The following GRM7 variants were observed in gnomAD, a reference collection of about 807,000 sequenced individuals.
GRM7 encodes metabotropic glutamate receptor 7.
A neutral mutation model predicts 84.5 loss-of-function variants in GRM7; 35 were observed. The observed-to-expected ratio is 0.41, with a 90% CI of 0.32 to 0.55. The LOEUF is 0.55. Among genes scored for constraint, GRM7 ranks in the 20% least tolerant of loss-of-function variants. GRM7 has a pLI of 0.19. For synonymous variants in GRM7, 487 were observed against 455.1 expected (o/e 1.07, Z -0.89); for missense variants, 1,003 against 1,194.6 (o/e 0.84, Z 2.36).
chr3:7,023,010 G>C (rs1359254342), intron 1 of GRM7, among the ~76,000 whole-genome samples: 1 of 145,050 alleles, frequency 6.9e-6, no homozygotes, highest in South Asian at 2.4e-4. Flanking sequence ...ATTCTTTTAG[G>C]GGCAGTAAAT....
At chr3:7,454,775 T>A (rs115977728) in intron 6 of GRM7, among the ~76,000 whole-genome samples, 1 of 152,106 alleles carries the variant, frequency 6.6e-6, no homozygotes, top group African/African-American at 2.4e-5. Flanking sequence ...ATATGTATGG[T>A]TTTTAATATA....
At chr3:7,517,231 TATTA>T (rs1265536961) in intron 7 of GRM7, among the ~76,000 whole-genome samples, 2 of 152,244 alleles carry the variant, frequency 1.3e-5, no homozygotes, top group African/African-American at 4.8e-5. Context: ...ATTTATTTTG[TATTA>T]ATTTCTTAGA....
At chr3:7,335,414 A>C (rs115564873) in intron 4 of GRM7, among the ~76,000 whole-genome samples, 6,015 of 152,110 alleles carry the variant, frequency 0.04, 250 homozygotes, top group African/African-American at 0.11. Flanking sequence ...AAAAGTGGTG[A>C]TAATAAGAAA....
At chr3:7,078,895 T>C (rs1351424332) in intron 1 of GRM7, among the ~76,000 whole-genome samples, 1 of 150,950 alleles carries the variant, frequency 6.6e-6, no homozygotes, top group African/African-American at 2.4e-5. Context: ...GTAGAGTAAA[T>C]AGATGATATT....
intron 8 of GRM7, among the ~76,000 whole-genome samples, chr3:7,581,271 C>T (rs1340284627): frequency 6.6e-6 from 1 of 152,110 alleles, no homozygotes; most frequent in Non-Finnish European, 1.5e-5. Flanking sequence ...TCTAGTTGTT[C>T]TAGAGAACAA....
chr3:7,048,933 C>A (rs1696893162), intron 1 of GRM7, among the ~76,000 whole-genome samples: 2 of 151,958 alleles, frequency 1.3e-5, no homozygotes, highest in South Asian at 4.2e-4. Context: ...TGTGTTTATG[C>A]CATCTCTTTC....
chr3:6,865,865 T>G (rs953045062), intron 1 of GRM7, among the ~76,000 whole-genome samples: 66 of 135,722 alleles, frequency 4.9e-4, no homozygotes, highest in African/African-American at 1.6e-3. Flanking sequence ...TAACCTACAC[T>G]TTTTATAATT....
At chr3:7,243,036 G>T (rs1467691208) in intron 2 of GRM7, among the ~76,000 whole-genome samples, 2 of 152,128 alleles carry the variant, frequency 1.3e-5, no homozygotes, top group East Asian at 3.9e-4. Context: ...TGAAGGCAAT[G>T]CTTTCCAAAT....
intron 8 of GRM7, among the ~76,000 whole-genome samples, chr3:7,647,967 C>A (rs1475356474): frequency 6.6e-6 from 1 of 152,126 alleles, no homozygotes; most frequent in Admixed American, 6.5e-5. Flanking sequence ...TTTTACATAG[C>A]CCTACAAACA....
chr3:6,889,779 A>G (rs1695858586), intron 1 of GRM7, among the ~76,000 whole-genome samples: 1 of 151,848 alleles, frequency 6.6e-6, no homozygotes, highest in African/African-American at 2.4e-5. Flanking sequence ...CTCTTTTTCT[A>G]TTGATTGGAA....
At chr3:7,591,466 T>C in intron 8 of GRM7, 1 of 447,094 alleles carries the variant, frequency 2.2e-6, no homozygotes, top group South Asian at 1.6e-5. Flanking sequence ...AGGGTAGTTT[T>C]ATGCTGTATA....
chr3:6,988,964 A>G (rs570407346), intron 1 of GRM7, among the ~76,000 whole-genome samples: 1 of 152,066 alleles, frequency 6.6e-6, no homozygotes, highest in African/African-American at 2.4e-5. Context: ...AAATAAATAA[A>G]CCCTCCTATT....
rs1248330159 is a variant in GRM7, at chr3:7,233,185, C to T, written c.737-65499C>T. Among the ~76,000 whole-genome samples, 4 of 152,192 alleles carry T rather than the reference C, an allele frequency of 2.6e-5. No homozygotes were observed. The East Asian group carries it at 7.7e-4, about 29-fold the overall frequency. On this transcript the variant is annotated intron_variant, in intron 2 of 9. Coordinates refer to ENST00000357716, the MANE Select transcript of GRM7 (RefSeq NM_000844.4). ...ATATGTCCTAGTTTAGAATTCTGGG[C>T]AACTTTGTAATTGAAGTTACAGAAT... is the stretch of plus-strand genomic sequence containing the variant.
intron 4 of GRM7, among the ~76,000 whole-genome samples, chr3:7,394,055 A>G (rs1302909889): frequency 2.6e-5 from 4 of 152,262 alleles, no homozygotes; most frequent in African/African-American, 9.6e-5. Flanking sequence ...AGTCATTATC[A>G]TTCTTCGCAT....
chr3:7,022,938 T>C (rs533034234), intron 1 of GRM7, among the ~76,000 whole-genome samples: 6 of 152,262 alleles, frequency 3.9e-5, no homozygotes, highest in African/African-American at 1.4e-4. Context: ...ACCCAGTGTA[T>C]TATAGAAGGA....
intron 9 of GRM7, among the ~76,000 whole-genome samples, chr3:7,695,811 A>C (rs11917781): frequency 6.6e-6 from 1 of 152,100 alleles, no homozygotes; most frequent in Non-Finnish European, 1.5e-5. Context: ...GATTGGCATA[A>C]AATAGAATGC....
rs565205025 is a variant in GRM7, at chr3:7,645,439, C to G, written c.2452-34610C>G. On this transcript the variant is annotated intron_variant, in intron 8 of 9. Transcript: ENST00000357716. Reference sequence around the variant, plus strand: ...GTGCGCGCCTGTAATCCCAGCTACTCGGGAGGCTAAGGCATGAGAATCACT... The same window carrying G: ...GTGCGCGCCTGTAATCCCAGCTACTGGGGAGGCTAAGGCATGAGAATCACT... 4.0e-5 allele frequency among the ~76,000 whole-genome samples: 6 copies of G among 149,358 alleles called. 1 individual carries two copies. Among genetic ancestry groups the G allele is most frequent in the African/African-American group, 1.5e-4 (6 of 40,536 alleles).
At chr3:7,386,798 A>G (rs1694802905) in intron 4 of GRM7, among the ~76,000 whole-genome samples, 1 of 152,124 alleles carries the variant, frequency 6.6e-6, no homozygotes, top group South Asian at 2.1e-4. Context: ...AATTGGGACT[A>G]TTTGGTCAAA....
intron 2 of GRM7, among the ~76,000 whole-genome samples, chr3:7,209,928 G>C (rs982333564): frequency 6.6e-6 from 1 of 152,160 alleles, no homozygotes; most frequent in African/African-American, 2.4e-5. Flanking sequence ...CAAGGGGAGA[G>C]GGAAGTAAAG....
Sources: allele counts gnomAD v4.1 joint callset (sites outside exome capture counted in the v4.1 genomes callset), GRCh38; gene constraint gnomAD v4.1.1; transcripts MANE v1.5; gene names NCBI Gene and HGNC (gene_info 2026-07-23, HGNC 2026-07-21).